FBXO42: variants seen among roughly 807,000 people sequenced by gnomAD.
FBXO42 encodes F-box protein 42.
A neutral mutation model predicts 71.7 loss-of-function variants in FBXO42; 12 were observed. The observed-to-expected ratio is 0.17, with a 90% CI of 0.11 to 0.27. The LOEUF is 0.27. Ranked by LOEUF, FBXO42 falls within the 10% of genes least tolerant of loss-of-function variation. The pLI is 1.00. For missense variants in FBXO42, 707 were observed against 911.9 expected (o/e 0.78, Z 2.89); for synonymous variants, 325 against 327.5 (o/e 0.99, Z 0.08).
chr1:16,348,135 G>C (rs1266750637), intron 1 of FBXO42, among the ~76,000 whole-genome samples: 1 of 151,958 alleles, frequency 6.6e-6, no homozygotes, highest in African/African-American at 2.4e-5. Context: ...TCACATTATA[G>C]AAAACTGAAC....
chr1:16,256,862 GAACT>G (rs1166297905), intron 4 of FBXO42, 103 bp from the exon 5 acceptor site: 5 of 1,199,248 alleles, frequency 4.2e-6, no homozygotes. Flanking sequence ...AACAAAAGGG[GAACT>G]AATACTACAA....
chr1:16,347,755 C>T lies in FBXO42; in HGVS notation c.-18+4500G>A, dbSNP rs1336102832. Among the ~76,000 whole-genome samples the T allele has an allele frequency of 4.6e-5, 7 of 151,964 alleles. No individual in the cohort carries two copies. In the East Asian group the frequency reaches 5.8e-4, roughly 13 times the overall value. Reference sequence around the variant, plus strand: ...CTGTAATCCCCACACTTTGGGAGGCCGAGGCGGGCAGATCACGAGGTCTGG... The same window carrying T: ...CTGTAATCCCCACACTTTGGGAGGCTGAGGCGGGCAGATCACGAGGTCTGG... On this transcript the variant is annotated intron_variant, in intron 1 of 9. Coordinates refer to ENST00000375592, the MANE Select transcript of FBXO42 (RefSeq NM_018994.3).
rs570255704 is a variant in FBXO42, at chr1:16,302,756, C to A, written c.367+3047G>T. On this transcript the variant is annotated intron_variant, in intron 3 of 9. Transcript: ENST00000375592. Reference sequence around the variant, plus strand: ...AACTCCTGACCTCAAGTGATCCGCCCTCCTCAGCCTCCCAAAGTGCTGGGA... The same window carrying A: ...AACTCCTGACCTCAAGTGATCCGCCATCCTCAGCCTCCCAAAGTGCTGGGA... Among the ~76,000 whole-genome samples, 571 of 152,332 alleles carry A rather than the reference C, an allele frequency of 3.7e-3. 5 individuals carry two copies. The highest frequency in any genetic ancestry group is 4.5e-3 in the Non-Finnish European group (306 of 68,032).
intron 3 of FBXO42, among the ~76,000 whole-genome samples, chr1:16,296,127 C>A (rs2082126531): frequency 6.6e-6 from 1 of 152,208 alleles, no homozygotes; most frequent in Non-Finnish European, 1.5e-5. Flanking sequence ...AAGTTCTGCC[C>A]CTTGCGGTCT....
rs767050871 is a variant in FBXO42 at position 16,251,991 on chromosome 1, G to C, written c.1039-206C>G. On this transcript the variant is annotated intron_variant, in intron 9 of 9. Transcript: ENST00000375592. The surrounding 1 kb of genome is among the most constrained non-coding windows in gnomAD (Gnocchi z 4.5). ...CTTTGTGTGACATATGCTATCATTA[G>C]AGATATGTATACAGAAGGGGTGGGG... Among the ~76,000 whole-genome samples the C allele has an allele frequency of 4.6e-5, 7 of 152,312 alleles. No homozygotes were observed. The highest frequency in any genetic ancestry group is 3.4e-3 in the Middle Eastern group (1 of 294).
chr1:16,349,139 AC>A (rs1379299658), intron 1 of FBXO42, among the ~76,000 whole-genome samples: 1 of 152,148 alleles, frequency 6.6e-6, no homozygotes, highest in Non-Finnish European at 1.5e-5. Context: ...GGGGAAAAGA[AC>A]CCATGACAGA....
At chr1:16,269,442 G>A (rs2081815016) in intron 4 of FBXO42, among the ~76,000 whole-genome samples, 1 of 151,360 alleles carries the variant, frequency 6.6e-6, no homozygotes. Flanking sequence ...GAGTGCAGTG[G>A]CACTATCTCA....
chr1:16,265,645 T>C (rs1053046645), intron 4 of FBXO42, among the ~76,000 whole-genome samples: 3 of 151,484 alleles, frequency 2.0e-5, no homozygotes, highest in African/African-American at 4.9e-5. Context: ...TAGGTACCTC[T>C]TGAAAACTAA....
At chr1:16,315,577 T>A in intron 1 of FBXO42, 142 bp from the exon 2 acceptor site, 1 of 731,518 alleles carries the variant, frequency 1.4e-6, no homozygotes, top group Non-Finnish European at 2.2e-6. Flanking sequence ...ATACCACTTG[T>A]GAGCCACCTT....
chr1:16,306,857 C>A (rs2100558629), intron 2 of FBXO42, among the ~76,000 whole-genome samples: 1 of 152,162 alleles, frequency 6.6e-6, no homozygotes, highest in Admixed American at 6.6e-5. Context: ...CACCACCATG[C>A]CTGGCTAAAA....
At chr1:16,346,688 G>C (rs1230427234) in intron 1 of FBXO42, among the ~76,000 whole-genome samples, 1 of 146,862 alleles carries the variant, frequency 6.8e-6, no homozygotes, top group Non-Finnish European at 1.5e-5. Flanking sequence ...ACTCCGTCTC[G>C]GGGAAAAAAA....
In FBXO42 at chr1:16,256,733, C is replaced by A. The variant is rs2100435223; in HGVS notation, c.529G>T (p.Ala177Ser). ...SGSYPSPKAGATLVVYKDLLV... is the reference protein window; with the variant it reads ...SGSYPSPKAGSTLVVYKDLLV... ...AAGTCCTTGTACACGACCAGAGTTG[C>A]TCCAGCTTTGGGGGAAGGATAGGAC... Residue 177 changes from alanine to serine, a missense_variant, in exon 5 of 10, where the codon GCA (alanine) becomes TCA (serine). Transcript: ENST00000375592. 1 of 1,614,196 alleles carries A rather than the reference C, an allele frequency of 6.2e-7. No homozygotes were observed. The highest frequency in any genetic ancestry group is 1.3e-5 in the African/African-American group (1 of 75,048).
At chr1:16,273,309 T>C (rs1420774778) in intron 4 of FBXO42, among the ~76,000 whole-genome samples, 1 of 152,212 alleles carries the variant, frequency 6.6e-6, no homozygotes, top group African/African-American at 2.4e-5. Context: ...CTTTAGGTCA[T>C]TAGCCCCTAA....
chr1:16,343,848 G>A (rs1016396717), intron 1 of FBXO42, among the ~76,000 whole-genome samples: 1 of 150,616 alleles, frequency 6.6e-6, no homozygotes, highest in Non-Finnish European at 1.5e-5. Context: ...GTGTAGTGGT[G>A]CCCACCTGTA....
At chr1:16,260,297 C>T (rs1230643917) in intron 4 of FBXO42, among the ~76,000 whole-genome samples, 2 of 150,600 alleles carry the variant, frequency 1.3e-5, no homozygotes, top group Non-Finnish European at 2.9e-5. Flanking sequence ...CAACCTCTGC[C>T]TCCCAGGTTC....
intron 1 of FBXO42, among the ~76,000 whole-genome samples, chr1:16,344,446 G>A (rs981882917): frequency 6.8e-6 from 1 of 147,136 alleles, no homozygotes; most frequent in Non-Finnish European, 1.5e-5. Context: ...AGCTTCCCAA[G>A]TAGCTGAGAT....
At chr1:16,308,133 T>C (rs2082271535) in intron 2 of FBXO42, among the ~76,000 whole-genome samples, 1 of 152,000 alleles carries the variant, frequency 6.6e-6, no homozygotes, top group African/African-American at 2.4e-5. Context: ...AATAGACCCA[T>C]ACAAATACAG....
chr1:16,282,187 T>C (rs1056668641), intron 4 of FBXO42, among the ~76,000 whole-genome samples: 1 of 151,912 alleles, frequency 6.6e-6, no homozygotes, highest in Admixed American at 6.6e-5. Flanking sequence ...GATTTCAAAA[T>C]TTAGCTATGT....
chr1:16,298,625 T>A (rs1013528824), intron 3 of FBXO42, among the ~76,000 whole-genome samples: 3 of 151,898 alleles, frequency 2.0e-5, no homozygotes, highest in Non-Finnish European at 4.4e-5. Context: ...TTCTCCTGCC[T>A]CAGCCTCCCA....
Sources: allele counts gnomAD v4.1 joint callset (sites outside exome capture counted in the v4.1 genomes callset), GRCh38; gene constraint gnomAD v4.1.1; non-coding constraint Gnocchi (gnomAD v3.1); transcripts MANE v1.5; gene names NCBI Gene and HGNC (gene_info 2026-07-23, HGNC 2026-07-21).